The following PID1 variants were observed in gnomAD, a reference collection of about 807,000 sequenced individuals.
The protein encoded by PID1 is PTB-containing, cubilin and LRP1-interacting protein.
In PID1, 10 loss-of-function variants were observed where a neutral mutation model predicts 19.1. The ratio of observed to expected loss-of-function variants is 0.52; its 90% CI spans 0.32 to 0.89. PID1 has a LOEUF of 0.89. Among genes scored for constraint, PID1 ranks in the 40% least tolerant of loss-of-function variants. The probability of loss-of-function intolerance (pLI) is 0.03; values close to 1 mark genes in which losing one functional copy is unlikely to be tolerated. For synonymous variants in PID1, 130 were observed against 116.0 expected (o/e 1.12, Z -0.78); for missense variants, 248 against 285.3 (o/e 0.87, Z 0.94).
At chr2:229,208,123 C>T (rs535747269) in intron 1 of PID1, among the ~76,000 whole-genome samples, 43 of 152,274 alleles carry the variant, frequency 2.8e-4, no homozygotes, top group African/African-American at 1.0e-3. Flanking sequence ...AAGGAGATGG[C>T]TTCATTGACT....
At chr2:229,154,733 G>A (rs1424130764) in intron 2 of PID1, among the ~76,000 whole-genome samples, 1 of 152,196 alleles carries the variant, frequency 6.6e-6, no homozygotes, top group African/African-American at 2.4e-5. Context: ...AAGGAAAGGA[G>A]TATATCTACA....
intron 2 of PID1, among the ~76,000 whole-genome samples, chr2:229,076,556 C>T (rs1026373942): frequency 1.3e-5 from 2 of 152,064 alleles, no homozygotes; most frequent in African/African-American, 4.8e-5. Context: ...CTCCCACCCC[C>T]CAACAGGCCC....
intron 1 of PID1, among the ~76,000 whole-genome samples, chr2:229,212,573 G>A (rs1860785): frequency 0.99 from 150,576 of 152,274 alleles, 74,462 homozygotes; most frequent in East Asian, 1. Flanking sequence ...TCCATGTTAA[G>A]GTATCCCTCT....
At chr2:229,138,691 T>C (rs556903015) in intron 2 of PID1, among the ~76,000 whole-genome samples, 3 of 152,050 alleles carry the variant, frequency 2.0e-5, no homozygotes, top group Non-Finnish European at 2.9e-5. Context: ...CCACATAGTT[T>C]GAGCAAACAG....
At chr2:229,231,888 G>T in intron 1 of PID1, 1 of 1,549,476 alleles carries the variant, frequency 6.5e-7, no homozygotes. Flanking sequence ...CCACAGAGTA[G>T]ATAATTTATA....
intron 1 of PID1, among the ~76,000 whole-genome samples, chr2:229,269,863 C>G (rs1006999834): frequency 6.6e-6 from 1 of 152,172 alleles, no homozygotes; most frequent in Non-Finnish European, 1.5e-5. Context: ...ATTGAACACA[C>G]TCCCCGCAAA....
At chr2:229,195,239 C>T (rs374287414) in intron 1 of PID1, among the ~76,000 whole-genome samples, 15 of 151,834 alleles carry the variant, frequency 9.9e-5, no homozygotes, top group African/African-American at 3.4e-4. Flanking sequence ...GTCCCCTCTA[C>T]CCTTCTGCCC....
At chr2:229,250,493 C>T (rs188023735) in intron 1 of PID1, among the ~76,000 whole-genome samples, 2 of 152,292 alleles carry the variant, frequency 1.3e-5, no homozygotes, top group Admixed American at 1.3e-4. Flanking sequence ...AAAGGTTCTA[C>T]GGCAAATAAA....
chr2:229,076,873 T>C (rs535906367), intron 2 of PID1, among the ~76,000 whole-genome samples: 1 of 152,350 alleles, frequency 6.6e-6, no homozygotes, highest in South Asian at 2.1e-4. Flanking sequence ...CATGTGTCTT[T>C]ATAAAAGAAT....
At chr2:229,118,026 G>C (rs1384141178) in intron 2 of PID1, among the ~76,000 whole-genome samples, 47 of 152,228 alleles carry the variant, frequency 3.1e-4, no homozygotes, top group Non-Finnish European at 4.4e-5. Context: ...AGGTTCATGA[G>C]GCTGGGATAC....
intron 2 of PID1, among the ~76,000 whole-genome samples, chr2:229,046,904 A>G (rs1693893684): frequency 6.6e-6 from 1 of 151,996 alleles, no homozygotes; most frequent in South Asian, 2.1e-4. Context: ...ATCTCCCAAA[A>G]CCCCCAGCCT....
chr2:229,079,175 C>T (rs1694622337), intron 2 of PID1, among the ~76,000 whole-genome samples: 1 of 152,046 alleles, frequency 6.6e-6, no homozygotes, highest in African/African-American at 2.4e-5. Flanking sequence ...CATCAAAGAC[C>T]AGGATGAGTA....
At chr2:229,191,413 G>A (rs1381669969) in intron 1 of PID1, among the ~76,000 whole-genome samples, 1 of 152,110 alleles carries the variant, frequency 6.6e-6, no homozygotes, top group African/African-American at 2.4e-5. Context: ...CATATAACCA[G>A]GGTCCTCTCT....
chr2:229,167,456 A>G (rs938652901), intron 1 of PID1, among the ~76,000 whole-genome samples: 2 of 152,166 alleles, frequency 1.3e-5, no homozygotes, highest in African/African-American at 4.8e-5. Flanking sequence ...AAAAATGCAT[A>G]ACCTGAATGT....
intron 2 of PID1, among the ~76,000 whole-genome samples, chr2:229,066,169 C>A (rs528501273): frequency 6.6e-6 from 1 of 152,028 alleles, no homozygotes; most frequent in Non-Finnish European, 1.5e-5. Flanking sequence ...CAATAGGAGC[C>A]AGCATACGGT....
intron 1 of PID1, among the ~76,000 whole-genome samples, chr2:229,210,809 G>A (rs749038329): frequency 1.6e-4 from 24 of 152,202 alleles, no homozygotes; most frequent in African/African-American, 4.6e-4. Context: ...CAGCAGCAGC[G>A]GTCCCCTCCA....
At chr2:229,214,807 A>C (rs914058848) in intron 1 of PID1, among the ~76,000 whole-genome samples, 8 of 152,048 alleles carry the variant, frequency 5.3e-5, no homozygotes, top group African/African-American at 1.2e-4. Flanking sequence ...AGAAATTTCA[A>C]TGCATTTGTA....
At chr2:229,110,830 G>A (rs1438656333) in intron 2 of PID1, among the ~76,000 whole-genome samples, 1 of 152,096 alleles carries the variant, frequency 6.6e-6, no homozygotes, top group African/African-American at 2.4e-5. Context: ...TGCACGTCCT[G>A]TGCTCTCCTC....
chr2:229,039,507 C>T (rs771136221), intron 2 of PID1, among the ~76,000 whole-genome samples: 25 of 152,092 alleles, frequency 1.6e-4, no homozygotes, highest in Non-Finnish European at 2.9e-4. Context: ...GAAATTATAT[C>T]CCTTGCAACT....
Sources: gnomAD v4.1 joint callset for allele counts (sites outside exome capture counted in the v4.1 genomes callset) on GRCh38, gnomAD v4.1.1 for gene constraint, MANE v1.5 for transcripts, NCBI Gene and HGNC (gene_info 2026-07-23, HGNC 2026-07-21) for gene names.